Variants in CHSY1 observed in about 807,000 individuals in gnomAD.
CHSY1 encodes the protein chondroitin sulfate synthase 1.
A neutral mutation model predicts 59.8 loss-of-function variants in CHSY1; 13 were observed. That is an observed-to-expected ratio of 0.22 (90% CI 0.14 to 0.35). CHSY1 has a LOEUF of 0.35. Among genes scored for constraint, CHSY1 ranks in the 10% least tolerant of loss-of-function variants. The pLI, the probability that CHSY1 is intolerant of heterozygous loss-of-function variation, is 1.00. For synonymous variants in CHSY1, 459 were observed against 401.2 expected, an observed-to-expected ratio of 1.14 and a Z score of -1.72; for missense variants, 947 against 1,030.6, an observed-to-expected ratio of 0.92 and a Z score of 1.11.
At chr15:101,239,033 G>A (rs547521103) in intron 1 of CHSY1, among the ~76,000 whole-genome samples, 1 of 152,334 alleles carries the variant, frequency 6.6e-6, no homozygotes, top group South Asian at 2.1e-4. Flanking sequence ...GCCTTGGGAA[G>A]TTAGTAAGGA....
chr15:101,191,769 A>AG (rs1394835126), intron 2 of CHSY1, among the ~76,000 whole-genome samples: 12 of 152,200 alleles, frequency 7.9e-5, no homozygotes, highest in Non-Finnish European at 1.2e-4. Context: ...GCAACCTATT[A>AG]GGGAAAAAAC....
At chr15:101,194,431 G>A (rs1037934618) in intron 2 of CHSY1, among the ~76,000 whole-genome samples, 5 of 152,174 alleles carry the variant, frequency 3.3e-5, no homozygotes, top group African/African-American at 9.7e-5. Flanking sequence ...ATTTCAAAAT[G>A]ATATTTCACA....
chr15:101,188,046 A>G, intron 2 of CHSY1: 2 of 985,494 alleles, frequency 2.0e-6, no homozygotes, highest in Non-Finnish European at 2.4e-6. Context: ...AGGAGAGCCA[A>G]CATTCTCATT....
chr15:101,214,384 G>T (rs1231406041), intron 2 of CHSY1, among the ~76,000 whole-genome samples: 1 of 152,122 alleles, frequency 6.6e-6, no homozygotes, highest in Admixed American at 6.5e-5. Context: ...AGCACCTTAC[G>T]TCCTTTTTTT....
chr15:101,214,384 G>A (rs1231406041), intron 2 of CHSY1, among the ~76,000 whole-genome samples: 4 of 152,122 alleles, frequency 2.6e-5, no homozygotes, highest in East Asian at 1.9e-4. Context: ...AGCACCTTAC[G>A]TCCTTTTTTT....
At chr15:101,241,496 C>T (rs71414393) in intron 1 of CHSY1, among the ~76,000 whole-genome samples, 2,391 of 152,152 alleles carry the variant, frequency 0.016, 24 homozygotes, top group Non-Finnish European at 0.026. Context: ...TAACAAGCAA[C>T]CAAAGAAATC....
intron 2 of CHSY1, among the ~76,000 whole-genome samples, chr15:101,192,130 C>A (rs759899607): frequency 6.6e-6 from 1 of 152,230 alleles, no homozygotes; most frequent in Non-Finnish European, 1.5e-5. Context: ...TCTCAACACA[C>A]TCATTTAATC....
chr15:101,239,112 A>G (rs2038976575), intron 1 of CHSY1, among the ~76,000 whole-genome samples: 1 of 152,226 alleles, frequency 6.6e-6, no homozygotes, highest in Non-Finnish European at 1.5e-5. Context: ...TTATAGAGAA[A>G]TGTTTTTCAT....
intron 1 of CHSY1, among the ~76,000 whole-genome samples, chr15:101,240,859 A>C (rs1055090963): frequency 1.3e-5 from 2 of 152,232 alleles, no homozygotes; most frequent in Non-Finnish European, 2.9e-5. Flanking sequence ...TGTTGTTTTA[A>C]GAAAAACTAC....
At chr15:101,236,447 GCCA>G (rs1460715335) in intron 1 of CHSY1, among the ~76,000 whole-genome samples, 6 of 152,280 alleles carry the variant, frequency 3.9e-5, no homozygotes, top group African/African-American at 1.4e-4. Flanking sequence ...TCTCTTGTCT[GCCA>G]CCAAGTAAGA....
chr15:101,189,995 A>T (rs751093489), intron 2 of CHSY1, among the ~76,000 whole-genome samples: 1 of 152,228 alleles, frequency 6.6e-6, no homozygotes, highest in Non-Finnish European at 1.5e-5. Context: ...TTACACTCAG[A>T]ACTGTCAGTG....
At chr15:101,194,401 G>A (rs993674478) in intron 2 of CHSY1, among the ~76,000 whole-genome samples, 73 of 152,294 alleles carry the variant, frequency 4.8e-4, no homozygotes, top group Non-Finnish European at 7.3e-5. Context: ...ATTTCAGTAG[G>A]CTAGGCAGCA....
chr15:101,250,313 C>T (rs2039093918), intron 1 of CHSY1, among the ~76,000 whole-genome samples: 1 of 152,184 alleles, frequency 6.6e-6, no homozygotes. Context: ...GTCTACAACC[C>T]TCTCCAACTT....
At position 101,178,873 on chromosome 15, in the gene CHSY1, G is replaced by A. The variant is rs1235006221; in HGVS notation, c.924C>T (p.Asn308=). 1 of 1,614,048 alleles carries A rather than the reference G, an allele frequency of 6.2e-7. No homozygotes were observed. Among genetic ancestry groups the A allele is most frequent in the East Asian group, 2.2e-5 (1 of 44,890 alleles). The change falls in exon 3 of 3, where the codon AAC becomes AAT. Residue 308 remains asparagine (N), a synonymous_variant. Transcript: ENST00000254190. ...TGTGGAGCCTGTACTGGTAGGGTGGGTTTTTGTTGGGGTGTAATGTGATAG... is the reference window on the plus strand; with the variant it reads ...TGTGGAGCCTGTACTGGTAGGGTGGATTTTTGTTGGGGTGTAATGTGATAG... ...HQAITLHPNK[N]PPYQYRLHSY... is the part of the protein sequence containing the mutation.
chr15:101,193,075 T>C (rs1161461519), intron 2 of CHSY1, among the ~76,000 whole-genome samples: 1 of 152,242 alleles, frequency 6.6e-6, no homozygotes, highest in Non-Finnish European at 1.5e-5. Context: ...CACGTTTTAC[T>C]TTCAGGGATA....
chr15:101,222,756 G>A (rs1013643388), intron 2 of CHSY1, among the ~76,000 whole-genome samples: 4 of 152,194 alleles, frequency 2.6e-5, no homozygotes, highest in Non-Finnish European at 5.9e-5. Context: ...AGACTATGCA[G>A]AGCTGATGTG....
chr15:101,251,202 G>A lies in CHSY1; in HGVS notation c.255C>T (p.Asn85=), dbSNP rs775018701. Residue 85 remains asparagine, a synonymous_variant, in exon 1 of 3, where the codon AAC becomes AAT. Transcript: ENST00000254190. ...CGGTCATGACTCCCACGAAGAGAAA[G>A]TTCCTGTCGCGCGGGCCGCCATCTG... ...SDPDGGPRDR[N]FLFVGVMTAQ... 45 of 1,599,150 alleles carry A rather than the reference G, an allele frequency of 2.8e-5. No homozygotes were observed. The highest frequency in any genetic ancestry group is 4.0e-5 in the African/African-American group (3 of 74,526).
chr15:101,182,474 A>G (rs1382486696), intron 2 of CHSY1, among the ~76,000 whole-genome samples: 1 of 152,218 alleles, frequency 6.6e-6, no homozygotes, highest in Admixed American at 6.5e-5. Flanking sequence ...GTTATGAATG[A>G]ATGCTGCATC....
chr15:101,211,261 T>C lies in CHSY1; in HGVS notation c.816+23821A>G, dbSNP rs552975253. ...ATCACTTGAACCTGGGAGATGGAGG[T>C]TGCAGTGAGCTGAGATTGCACCACT... On this transcript the variant is annotated intron_variant, in intron 2 of 2. Transcript: ENST00000254190. 8.7e-4 allele frequency among the ~76,000 whole-genome samples: 132 copies of C among 152,194 alleles called. 1 individual carries two copies. Among genetic ancestry groups the C allele is most frequent in the African/African-American group, 3.2e-3 (131 of 41,540 alleles).
Sources: gnomAD v4.1 joint callset for allele counts (sites outside exome capture counted in the v4.1 genomes callset) on GRCh38, gnomAD v4.1.1 for gene constraint, MANE v1.5 for transcripts, NCBI Gene and HGNC (gene_info 2026-07-23, HGNC 2026-07-21) for gene names.